SHISA9: variants seen among roughly 807,000 people sequenced by gnomAD.
SHISA9 encodes the protein shisa family member 9.
A neutral mutation model predicts 38.0 loss-of-function variants in SHISA9; 13 were observed. The ratio of observed to expected loss-of-function variants is 0.34; its 90% CI spans 0.22 to 0.54. SHISA9 has a LOEUF of 0.54. Ranked by LOEUF, SHISA9 falls within the 20% of genes least tolerant of loss-of-function variation. The probability of loss-of-function intolerance (pLI) is 0.91; values close to 1 mark genes in which losing one functional copy is unlikely to be tolerated. For synonymous variants in SHISA9, 275 were observed against 242.0 expected, an observed-to-expected ratio of 1.14 and a Z score of -1.27; for missense variants, 538 against 575.8, an observed-to-expected ratio of 0.93 and a Z score of 0.67.
chr16:12,943,326 TGTGTGAGAGAGAGAGAGAGAGAGAGAGA>T (rs2071644623), intron 2 of SHISA9, among the ~76,000 whole-genome samples: 4 of 19,974 alleles, frequency 2.0e-4, no homozygotes, highest in African/African-American at 7.9e-4. Context: ...TGTGTGTGTG[TGTGTGAGAGAGAGAGAGAGAGAGAGAGA>T]GAGAGAGAGA....
intron 3 of SHISA9, among the ~76,000 whole-genome samples, chr16:13,208,443 C>CTTTTTTTTTTTTTTTTTTT (rs71395107): frequency 8.0e-6 from 1 of 125,080 alleles, no homozygotes; most frequent in African/African-American, 3.1e-5. Flanking sequence ...CTTTTTTTTT[C>CTTTTTTTTTTTTTTTTTTT]TTTTTTTTTT....
rs2050887728 is a variant in SHISA9, at chr16:13,191,767, C to G, written c.692-11627C>G. 3.9e-5 allele frequency among the ~76,000 whole-genome samples: 6 copies of G among 152,174 alleles called. No individual in the cohort carries two copies. In the South Asian group the frequency reaches 1.2e-3, roughly 32 times the overall value. Reference sequence around the variant, plus strand: ...ATCATAGGGTATAGAAGGTGTGTTGCAAACAGTGGAGATGAAGAATGTCCC... The same window carrying G: ...ATCATAGGGTATAGAAGGTGTGTTGGAAACAGTGGAGATGAAGAATGTCCC... On this transcript the variant is annotated intron_variant, in intron 2 of 4. Transcript: ENST00000558583.
chr16:13,294,648 A>G, the SHISA9 span, among the ~76,000 whole-genome samples: 2 of 152,198 alleles, frequency 1.3e-5, no homozygotes, highest in Non-Finnish European at 2.9e-5. Context: ...TGAGATCTCC[A>G]AGGTGTTACC....
rs144030092 is a variant in SHISA9 at position 13,021,158 on chromosome 16, C to A, written c.691+104343C>A. ...CCTCTCTCGAAGCGATGGCTCTCAA[C>A]CAGGGACAATTTTGCCTCCCTCCTA... On this transcript the variant is annotated intron_variant, in intron 2 of 4. Coordinates refer to ENST00000558583, the MANE Select transcript of SHISA9 (RefSeq NM_001145204.3). Among the ~76,000 whole-genome samples, 243 of 152,298 alleles carry A rather than the reference C, an allele frequency of 1.6e-3. 2 individuals carry two copies. Among genetic ancestry groups the A allele is most frequent in the Non-Finnish European group, 2.9e-3 (199 of 68,034 alleles).
intron 2 of SHISA9, among the ~76,000 whole-genome samples, chr16:12,961,198 T>C (rs2071907281): frequency 1.3e-5 from 2 of 152,108 alleles, no homozygotes; most frequent in East Asian, 3.9e-4. Flanking sequence ...GGGAACTGCA[T>C]GGTGCAGGGA....
intron 2 of SHISA9, among the ~76,000 whole-genome samples, chr16:13,123,499 G>T (rs557789456): frequency 6.6e-6 from 1 of 152,340 alleles, no homozygotes; most frequent in South Asian, 2.1e-4. Flanking sequence ...TCATGAAGAA[G>T]AGAAGTGGCT....
At chr16:13,440,435 G>A in the SHISA9 span, among the ~76,000 whole-genome samples, 2 of 152,174 alleles carry the variant, frequency 1.3e-5, no homozygotes. Context: ...GTTTATTGAA[G>A]GGGGAGAAGG....
chr16:13,338,102 G>A, the SHISA9 span, among the ~76,000 whole-genome samples: 1 of 152,182 alleles, frequency 6.6e-6, no homozygotes, highest in Non-Finnish European at 1.5e-5. Context: ...GTGATAAGAT[G>A]TGAGGCTACC....
chr16:12,965,242 A>G (rs1217256490), intron 2 of SHISA9, among the ~76,000 whole-genome samples: 8 of 152,202 alleles, frequency 5.3e-5, no homozygotes, highest in Non-Finnish European at 1.5e-5. Flanking sequence ...TTTGAAATAT[A>G]TGAGGTATAA....
chr16:13,457,703 C>T, the SHISA9 span, among the ~76,000 whole-genome samples: 1 of 151,866 alleles, frequency 6.6e-6, no homozygotes, highest in Non-Finnish European at 1.5e-5. Flanking sequence ...TTTGCACTGG[C>T]TACTCAGCCA....
intron 2 of SHISA9, among the ~76,000 whole-genome samples, chr16:12,971,109 C>G (rs113053741): frequency 3.9e-5 from 6 of 152,300 alleles, no homozygotes; most frequent in African/African-American, 1.4e-4. Context: ...CTAGGCATTG[C>G]TAAGTCTCTC....
the SHISA9 span, among the ~76,000 whole-genome samples, chr16:13,488,912 C>A: frequency 3.2e-4 from 48 of 152,112 alleles, no homozygotes; most frequent in African/African-American, 1.2e-3. Flanking sequence ...CAGGCGCCTG[C>A]CACCGCGCCT....
intron 2 of SHISA9, among the ~76,000 whole-genome samples, chr16:13,001,272 A>G (rs772895503): frequency 2.0e-5 from 3 of 152,178 alleles, no homozygotes; most frequent in Non-Finnish European, 2.9e-5. Flanking sequence ...GGCTTGTGGC[A>G]CAGACTCCAG....
intron 2 of SHISA9, among the ~76,000 whole-genome samples, chr16:12,924,090 T>C (rs1157248601): frequency 1.3e-5 from 2 of 152,138 alleles, no homozygotes; most frequent in African/African-American, 4.8e-5. Context: ...AGCCAGTCAG[T>C]GGTCTGGCTT....
intron 2 of SHISA9, among the ~76,000 whole-genome samples, chr16:13,036,324 G>A (rs2073062615): frequency 6.6e-6 from 1 of 152,188 alleles, no homozygotes; most frequent in African/African-American, 2.4e-5. Flanking sequence ...ACATGTAGCA[G>A]TATAAATCAA....
chr16:12,985,191 C>T (rs578248811), intron 2 of SHISA9, among the ~76,000 whole-genome samples: 1 of 135,792 alleles, frequency 7.4e-6, no homozygotes, highest in South Asian at 2.2e-4. Flanking sequence ...ATGTTGTACA[C>T]CACAAATATC....
chr16:13,388,363 G>A, the SHISA9 span, among the ~76,000 whole-genome samples: 7 of 150,740 alleles, frequency 4.6e-5, no homozygotes, highest in East Asian at 1.2e-3. Context: ...CTGGGCTGGA[G>A]TGCAGTGGCT....
the SHISA9 span, among the ~76,000 whole-genome samples, chr16:13,375,974 GA>G: frequency 4.7e-3 from 698 of 149,928 alleles, 14 homozygotes; most frequent in African/African-American, 0.016. Context: ...CAAATAGTGG[GA>G]AAAAAAAAAT....
the SHISA9 span, among the ~76,000 whole-genome samples, chr16:13,249,643 T>C: frequency 6.6e-6 from 1 of 152,150 alleles, no homozygotes; most frequent in East Asian, 1.9e-4. Context: ...TTTCTCTGTT[T>C]CCTTCTCTGT....
Sources: allele counts gnomAD v4.1 joint callset (sites outside exome capture counted in the v4.1 genomes callset), GRCh38; gene constraint gnomAD v4.1.1; transcripts MANE v1.5; gene names NCBI Gene and HGNC (gene_info 2026-07-23, HGNC 2026-07-21).